ANKFN1: variants seen among roughly 807,000 people sequenced by gnomAD.
The protein encoded by ANKFN1 is ankyrin repeat and fibronectin type III domain containing 1, also known as ankyrin repeat and fibronectin type-III domain-containing protein 1.
Under a neutral mutation model 108.7 loss-of-function variants are expected in ANKFN1, and 74 were observed. That is an observed-to-expected ratio of 0.68 (90% CI 0.56 to 0.83). The LOEUF is 0.83. Among genes scored for constraint, ANKFN1 ranks in the 40% least tolerant of loss-of-function variants. The pLI is 0.00. For missense variants in ANKFN1, 1,505 were observed against 1,382.3 expected (o/e 1.09, Z -1.41); for synonymous variants, 547 against 516.2 (o/e 1.06, Z -0.81).
intron 3 of ANKFN1, among the ~76,000 whole-genome samples, chr17:56,324,183 G>T (rs953834974): frequency 1.3e-5 from 2 of 152,168 alleles, no homozygotes; most frequent in Non-Finnish European, 2.9e-5. Context: ...GAGAAATTTG[G>T]CTAGAGAGAT....
chr17:56,236,346 C>T lies in ANKFN1; in HGVS notation c.53+8389C>T, dbSNP rs893696486. 2.1e-4 allele frequency among the ~76,000 whole-genome samples: 32 copies of T among 151,978 alleles called. 1 individual carries two copies. The highest frequency in any genetic ancestry group is 7.7e-4 in the African/African-American group (32 of 41,394). ...TACTGGGATTACAGGAGTGAGCCACCGCGCCTGGCCCTGATTTCTTTGAAC... is the reference window on the plus strand; with the variant it reads ...TACTGGGATTACAGGAGTGAGCCACTGCGCCTGGCCCTGATTTCTTTGAAC... On this transcript the variant is annotated intron_variant, in intron 3 of 20. Transcript: ENST00000682825.
chr17:56,371,839 C>T (rs1169697949), intron 6 of ANKFN1, among the ~76,000 whole-genome samples: 1 of 152,156 alleles, frequency 6.6e-6, no homozygotes, highest in Non-Finnish European at 1.5e-5. Context: ...GATGGCTAAA[C>T]AATCTGATGT....
intron 15 of ANKFN1, among the ~76,000 whole-genome samples, chr17:56,470,153 G>A (rs1055199781): frequency 6.6e-6 from 1 of 152,186 alleles, no homozygotes; most frequent in African/African-American, 2.4e-5. Flanking sequence ...ATTCCATGGT[G>A]TATATGCACC....
At chr17:56,046,838 A>G (rs950136942) in intron 4 of ANKFN1, among the ~76,000 whole-genome samples, 1 of 152,206 alleles carries the variant, frequency 6.6e-6, no homozygotes, top group Admixed American at 6.5e-5. Flanking sequence ...TCAGTTGTCA[A>G]TGTTGAATGT....
chr17:56,379,135 A>C (rs563005576), intron 8 of ANKFN1, among the ~76,000 whole-genome samples: 138 of 152,328 alleles, frequency 9.1e-4, no homozygotes, highest in South Asian at 1.7e-3. Flanking sequence ...GCGGTGGTTC[A>C]TGCCTATAAT....
intron 3 of ANKFN1, among the ~76,000 whole-genome samples, chr17:56,305,215 C>T (rs1237296336): frequency 6.6e-6 from 1 of 152,150 alleles, no homozygotes; most frequent in African/African-American, 2.4e-5. Flanking sequence ...TGAGAACAAC[C>T]TGAGGGTAAC....
Position 56,172,623 on chromosome 17 carries a change from A to AGCCAATCCAG in ANKFN1, c.-71+19094_-71+19095insCCAATCCAGG. 2.0e-5 allele frequency among the ~76,000 whole-genome samples: 3 copies of AGCCAATCCAG among 152,260 alleles called. 1 individual carries two copies. The Middle Eastern group carries it at 0.01, about 518-fold the overall frequency. ...TGGGAGGTGCCAACTCAGAGTCTAGAGGCTGAGCCCAGGATTAAGAGCCAG... is the reference window on the plus strand; with the variant it reads ...TGGGAGGTGCCAACTCAGAGTCTAGAGCCAATCCAGGGCTGAGCCCAGGATTAAGAGCCAG... On this transcript the variant is annotated intron_variant, in intron 1 of 20. Coordinates refer to ENST00000682825, the MANE Select transcript of ANKFN1 (RefSeq NM_001370326.1).
intron 4 of ANKFN1, among the ~76,000 whole-genome samples, chr17:56,115,834 A>G (rs1453849419): frequency 1.3e-5 from 2 of 152,152 alleles, no homozygotes; most frequent in Non-Finnish European, 2.9e-5. Flanking sequence ...TAGTTCTAGC[A>G]AGCAGAGTTC....
At chr17:56,120,862 A>C (rs1341976329) in intron 4 of ANKFN1, among the ~76,000 whole-genome samples, 1 of 152,034 alleles carries the variant, frequency 6.6e-6, no homozygotes, top group Non-Finnish European at 1.5e-5. Flanking sequence ...ATTAGTCAAA[A>C]CTCTAATATC....
At chr17:56,056,544 G>C (rs563610576) in intron 4 of ANKFN1, among the ~76,000 whole-genome samples, 5 of 152,246 alleles carry the variant, frequency 3.3e-5, no homozygotes, top group Non-Finnish European at 7.4e-5. Context: ...ACTGATCTTT[G>C]ACAAAGCTGA....
At chr17:56,346,049 T>G (rs2046090928) in intron 4 of ANKFN1, among the ~76,000 whole-genome samples, 1 of 152,196 alleles carries the variant, frequency 6.6e-6, no homozygotes, top group Admixed American at 6.6e-5. Flanking sequence ...TTAATCCATC[T>G]TGAGTTAATT....
chr17:56,053,249 AG>A (rs2143082331), intron 4 of ANKFN1, among the ~76,000 whole-genome samples: 1 of 152,294 alleles, frequency 6.6e-6, no homozygotes, highest in South Asian at 2.1e-4. Flanking sequence ...TAATCACATC[AG>A]GATAAATGGG....
At chr17:56,191,826 T>G (rs556346951) in intron 1 of ANKFN1, among the ~76,000 whole-genome samples, 9 of 149,706 alleles carry the variant, frequency 6.0e-5, no homozygotes, top group Non-Finnish European at 1.3e-4. Flanking sequence ...CTTGGTTCCA[T>G]TCTCCGCATC....
intron 6 of ANKFN1, among the ~76,000 whole-genome samples, chr17:56,355,828 G>T (rs193069053): frequency 6.3e-4 from 96 of 152,178 alleles, no homozygotes; most frequent in Admixed American, 1.0e-3. Flanking sequence ...CCCTTTTGAA[G>T]TATACAATTC....
At chr17:56,264,018 C>T (rs763877043) in intron 3 of ANKFN1, among the ~76,000 whole-genome samples, 6 of 152,136 alleles carry the variant, frequency 3.9e-5, no homozygotes, top group African/African-American at 4.8e-5. Context: ...GTGAGACTCC[C>T]GTACCCCTCA....
intron 4 of ANKFN1, among the ~76,000 whole-genome samples, chr17:56,069,144 T>C (rs897679262): frequency 1.3e-5 from 2 of 150,048 alleles, no homozygotes; most frequent in Admixed American, 1.3e-4. Context: ...AAAATGTTTG[T>C]GTGGGTGCTC....
At chr17:56,235,544 A>T (rs1215305712) in intron 3 of ANKFN1, among the ~76,000 whole-genome samples, 1 of 152,130 alleles carries the variant, frequency 6.6e-6, no homozygotes, top group Non-Finnish European at 1.5e-5. Flanking sequence ...GGTGTAAGGA[A>T]AGGGTCCCGT....
intron 8 of ANKFN1, among the ~76,000 whole-genome samples, chr17:56,377,886 C>T (rs949876724): frequency 6.6e-6 from 1 of 151,972 alleles, no homozygotes; most frequent in Non-Finnish European, 1.5e-5. Context: ...AGTGGCCACA[C>T]CTTGGGGTTT....
chr17:56,105,645 G>C (rs1205812999), intron 4 of ANKFN1, among the ~76,000 whole-genome samples: 1 of 148,090 alleles, frequency 6.8e-6, no homozygotes, highest in Non-Finnish European at 1.5e-5. Context: ...CTTCCTGTCT[G>C]TCTCCTTCTT....
Sources: allele counts gnomAD v4.1 joint callset (sites outside exome capture counted in the v4.1 genomes callset), GRCh38; gene constraint gnomAD v4.1.1; transcripts MANE v1.5; gene names NCBI Gene and HGNC (gene_info 2026-07-23, HGNC 2026-07-21).